RIPOR2: variants seen among roughly 807,000 people sequenced by gnomAD.
The protein encoded by RIPOR2 is rho family-interacting cell polarization regulator 2.
Under a neutral mutation model 114.5 loss-of-function variants are expected in RIPOR2, and 39 were observed. The observed-to-expected ratio is 0.34, with a 90% CI of 0.26 to 0.44. The LOEUF (loss-of-function observed/expected upper bound fraction) is 0.44, where lower values mean the gene tolerates loss of function less well. Ranked by LOEUF, RIPOR2 falls within the 20% of genes least tolerant of loss-of-function variation. The pLI is 1.00. For synonymous variants in RIPOR2, 445 were observed against 484.4 expected (o/e 0.92, Z 1.07); for missense variants, 1,007 against 1,255.1 (o/e 0.80, Z 2.99).
intron 1 of RIPOR2, among the ~76,000 whole-genome samples, chr6:24,978,680 T>C (rs1774175090): frequency 6.6e-6 from 1 of 152,208 alleles, no homozygotes; most frequent in South Asian, 2.1e-4. Flanking sequence ...ACTGCCTAGG[T>C]TTGAATCCTA....
chr6:24,844,370 C>A (rs1418288413), intron 12 of RIPOR2, among the ~76,000 whole-genome samples: 1 of 56,420 alleles, frequency 1.8e-5, no homozygotes, highest in Admixed American at 2.1e-4. Context: ...GAAGTCAGCT[C>A]TCTTGTGCTG....
At chr6:24,831,140 T>C (rs1760658954) in intron 16 of RIPOR2, among the ~76,000 whole-genome samples, 1 of 152,200 alleles carries the variant, frequency 6.6e-6, no homozygotes, top group Non-Finnish European at 1.5e-5. Context: ...AGCAGATTCC[T>C]GTGTGGTCAG....
chr6:24,996,606 T>C (rs1216262914), intron 1 of RIPOR2, among the ~76,000 whole-genome samples: 1 of 152,230 alleles, frequency 6.6e-6, no homozygotes, highest in Non-Finnish European at 1.5e-5. Flanking sequence ...CTAGTCCAAC[T>C]GTGTCCAACC....
At chr6:24,971,084 A>G (rs1032625987) in intron 1 of RIPOR2, among the ~76,000 whole-genome samples, 1 of 152,204 alleles carries the variant, frequency 6.6e-6, no homozygotes, top group Non-Finnish European at 1.5e-5. Context: ...ACAAGGTATT[A>G]AAAGTGGACT....
Position 24,998,569 on chromosome 6 carries a change from T to C in RIPOR2, c.76+43282A>G, listed in dbSNP as rs1011391740. The stretch of plus-strand genomic sequence containing the variant: ...AAAATCTGATTCCTTTGTTTCCATG[T>C]TCAAAGCCTTTCAACGTCTCTCCAT... On this transcript the variant is annotated intron_variant, in intron 1 of 13. Coordinates refer to the RIPOR2 transcript ENST00000510784. 2.2e-4 allele frequency among the ~76,000 whole-genome samples: 34 copies of C among 152,204 alleles called. 1 individual carries two copies. Among genetic ancestry groups the C allele is most frequent in the Non-Finnish European group, 4.6e-4 (31 of 68,034 alleles).
intron 1 of RIPOR2, among the ~76,000 whole-genome samples, chr6:25,023,028 G>C (rs896313928): frequency 5.9e-5 from 9 of 151,360 alleles, no homozygotes; most frequent in African/African-American, 1.7e-4. Context: ...TCTTTTAATT[G>C]TCATTTAATA....
chr6:24,909,326 AG>A (rs1769314412), intron 1 of RIPOR2, among the ~76,000 whole-genome samples: 1 of 152,158 alleles, frequency 6.6e-6, no homozygotes, highest in African/African-American at 2.4e-5. Context: ...ACTGGAGAAT[AG>A]CCATGATGGT....
At chr6:24,827,094 CA>C (rs1760256211) in intron 18 of RIPOR2, among the ~76,000 whole-genome samples, 1 of 151,988 alleles carries the variant, frequency 6.6e-6, no homozygotes, top group Non-Finnish European at 1.5e-5. Context: ...AACATTTTCT[CA>C]GAAAATGGAT....
At chr6:24,925,700 CA>C (rs36119418) in intron 1 of RIPOR2, among the ~76,000 whole-genome samples, 4,878 of 137,204 alleles carry the variant, frequency 0.036, 204 homozygotes, top group African/African-American at 0.11. Flanking sequence ...GACTCCATCT[CA>C]AAAAAAAAAA....
intron 17 of RIPOR2, among the ~76,000 whole-genome samples, chr6:24,829,831 G>A (rs1338872194): frequency 2.6e-5 from 4 of 152,106 alleles, no homozygotes; most frequent in Non-Finnish European, 5.9e-5. Context: ...TGGATCCAAC[G>A]GTAGGGGGTA....
At chr6:24,974,618 G>C (rs1773950992) in intron 1 of RIPOR2, among the ~76,000 whole-genome samples, 1 of 152,104 alleles carries the variant, frequency 6.6e-6, no homozygotes, top group South Asian at 2.1e-4. Flanking sequence ...TTCCTCAAAA[G>C]GTACCATAGC....
intron 1 of RIPOR2, among the ~76,000 whole-genome samples, chr6:24,909,543 A>G (rs1467459734): frequency 1.3e-5 from 2 of 152,024 alleles, no homozygotes; most frequent in Non-Finnish European, 2.9e-5. Context: ...AGCAAGACAG[A>G]CCCGATAGAA....
intron 1 of RIPOR2, among the ~76,000 whole-genome samples, chr6:24,921,184 AC>A (rs1233571447): frequency 6.6e-6 from 1 of 151,850 alleles, no homozygotes; most frequent in African/African-American, 2.4e-5. Flanking sequence ...TTTTGAGGAG[AC>A]AGAGTCTTGC....
intron 1 of RIPOR2, among the ~76,000 whole-genome samples, chr6:25,009,389 A>G (rs1297827135): frequency 6.6e-6 from 1 of 152,250 alleles, no homozygotes; most frequent in African/African-American, 2.4e-5. Flanking sequence ...TTGGTCGATT[A>G]AACAAGAGAA....
chr6:24,882,511 T>A (rs891365830), intron 1 of RIPOR2, among the ~76,000 whole-genome samples: 1 of 152,168 alleles, frequency 6.6e-6, no homozygotes, highest in Non-Finnish European at 1.5e-5. Flanking sequence ...CTGAGACTCA[T>A]TAAAGGAAAT....
At chr6:24,905,587 T>C (rs76520616) in intron 1 of RIPOR2, among the ~76,000 whole-genome samples, 2,131 of 152,362 alleles carry the variant, frequency 0.014, 21 homozygotes, top group Non-Finnish European at 0.024. Context: ...TATACATTAA[T>C]TGGAAGGTAG....
In RIPOR2 at chr6:24,905,294, G is replaced by C. The variant is rs376851250; in HGVS notation, c.62-29477C>G. On this transcript the variant is annotated intron_variant, in intron 1 of 21. Transcript: ENST00000643898. ...ATTCTATTCTCTGCAACTGAGCCCT[G>C]ATGAAATGTTGGATCACCTGTGGGT... Among the ~76,000 whole-genome samples the C allele has an allele frequency of 1.1e-4, 17 of 152,002 alleles. No individual in the cohort carries two copies. In the East Asian group the frequency reaches 2.3e-3, roughly 21 times the overall value.
rs1403138753 is a variant in RIPOR2 at position 24,861,025 on chromosome 6, G to A, written c.663C>T (p.Thr221=). Residue 221 remains threonine (T), a synonymous_variant, in exon 8 of 22, where the codon ACC becomes ACT. Transcript: ENST00000643898. The part of the protein sequence containing the change: ...SFKEYTENMC[T]IEVELENLLG... ...GCAGATTCTCTAGCTCCACTTCAAT[G>A]GTGCACATATTCTGCAAAGAGGACA... is the stretch of plus-strand genomic sequence containing the variant. 1.2e-6 allele frequency: 2 copies of A among 1,609,378 alleles called. No individual in the cohort carries two copies. Among genetic ancestry groups the A allele is most frequent in the Admixed American group, 1.7e-5 (1 of 59,686 alleles).
At chr6:25,022,279 ATAG>A (rs1776357887) in intron 1 of RIPOR2, among the ~76,000 whole-genome samples, 1 of 152,086 alleles carries the variant, frequency 6.6e-6, no homozygotes, top group African/African-American at 2.4e-5. Flanking sequence ...TTCTGTCCTA[ATAG>A]TTTTGTCTTT....
Sources: gnomAD v4.1 joint callset for allele counts (sites outside exome capture counted in the v4.1 genomes callset) on GRCh38, gnomAD v4.1.1 for gene constraint, MANE v1.5 for transcripts, NCBI Gene and HGNC (gene_info 2026-07-23, HGNC 2026-07-21) for gene names.